Variants in KIAA1217 observed in about 807,000 individuals in gnomAD.
KIAA1217 encodes the protein KIAA1217.
KIAA1217 carries 88 observed loss-of-function variants against 163.9 expected under a neutral mutation model. The ratio of observed to expected loss-of-function variants is 0.54; its 90% CI spans 0.45 to 0.64. KIAA1217 has a LOEUF of 0.64. Among genes scored for constraint, KIAA1217 ranks in the 30% least tolerant of loss-of-function variants. KIAA1217 has a pLI of 0.00. For missense variants in KIAA1217, 2,372 were observed against 2,475.0 expected (o/e 0.96, Z 0.88); for synonymous variants, 903 against 923.1 (o/e 0.98, Z 0.39).
At chr10:24,133,060 G>A (rs1240914569) in intron 2 of KIAA1217, among the ~76,000 whole-genome samples, 1 of 151,140 alleles carries the variant, frequency 6.6e-6, no homozygotes, top group Non-Finnish European at 1.5e-5. Context: ...ATCTAATATG[G>A]CCACTGAGAG....
At chr10:24,336,056 C>T (rs1046310564) in intron 2 of KIAA1217, among the ~76,000 whole-genome samples, 6 of 152,220 alleles carry the variant, frequency 3.9e-5, no homozygotes, top group Admixed American at 1.3e-4. Context: ...GCCTGGCCAA[C>T]ATGGTGAAAC....
chr10:24,484,696 G>C (rs1309946717), intron 6 of KIAA1217, among the ~76,000 whole-genome samples: 1 of 152,056 alleles, frequency 6.6e-6, no homozygotes, highest in Non-Finnish European at 1.5e-5. Flanking sequence ...CAAAATTTGG[G>C]GATTACAAGT....
At chr10:23,981,601 A>G (rs1845767762) in intron 1 of KIAA1217, among the ~76,000 whole-genome samples, 1 of 152,178 alleles carries the variant, frequency 6.6e-6, no homozygotes, top group African/African-American at 2.4e-5. Flanking sequence ...TTACAACATT[A>G]ATTTTTTATG....
intron 2 of KIAA1217, among the ~76,000 whole-genome samples, chr10:24,380,128 C>G (rs1564574277): frequency 6.6e-6 from 1 of 152,060 alleles, no homozygotes; most frequent in Admixed American, 6.6e-5. Context: ...TGGTATGAGA[C>G]TCTGAAGGAC....
In KIAA1217 at chr10:23,780,194, T is replaced by C. The variant is rs142126393; in HGVS notation, c.-321+84960T>C. 7.4e-3 allele frequency among the ~76,000 whole-genome samples: 1,127 copies of C among 152,340 alleles called. 21 individuals carry two copies. Among genetic ancestry groups the C allele is most frequent in the African/African-American group, 0.025 (1,041 of 41,564 alleles). ...TAGACAACATGATGTTTTGATATAC[T>C]TGTACATAGTGAAATGGTGAGTACA... is the stretch of plus-strand genomic sequence containing the variant. On this transcript the variant is annotated intron_variant, in intron 1 of 18. Coordinates refer to the KIAA1217 transcript ENST00000376462.
Position 23,928,266 on chromosome 10 carries a change from C to T in KIAA1217, c.-320-78959C>T, listed in dbSNP as rs542807351. ...GGTCCAGATGGACTGGGGGAGGAAA[C>T]GTTGTTTCTAGCTCTTTCTTTGAAA... On this transcript the variant is annotated intron_variant, in intron 1 of 18. Coordinates refer to the KIAA1217 transcript ENST00000376462. 4.6e-5 allele frequency among the ~76,000 whole-genome samples: 7 copies of T among 152,268 alleles called. No homozygotes were observed. In the East Asian group the frequency reaches 1.2e-3, roughly 25 times the overall value.
intron 1 of KIAA1217, among the ~76,000 whole-genome samples, chr10:23,882,377 T>C (rs1400569768): frequency 6.6e-6 from 1 of 151,876 alleles, no homozygotes; most frequent in Non-Finnish European, 1.5e-5. Flanking sequence ...AGGGACTGCA[T>C]AGACACTTTC....
intron 2 of KIAA1217, among the ~76,000 whole-genome samples, chr10:24,197,440 C>A (rs1057412344): frequency 6.6e-5 from 10 of 152,198 alleles, no homozygotes; most frequent in Admixed American, 6.5e-4. Context: ...CCAACAGAAA[C>A]CTATTAGAGC....
chr10:23,817,294 T>A (rs1310699984), intron 1 of KIAA1217, among the ~76,000 whole-genome samples: 1 of 152,224 alleles, frequency 6.6e-6, no homozygotes, highest in African/African-American at 2.4e-5. Context: ...TGACTTCTTC[T>A]TCAGAAGAAT....
At chr10:23,821,361 AG>A (rs1403323101) in intron 1 of KIAA1217, among the ~76,000 whole-genome samples, 1 of 152,166 alleles carries the variant, frequency 6.6e-6, no homozygotes, top group African/African-American at 2.4e-5. Flanking sequence ...ACAAGAATAA[AG>A]CCCCATGTTC....
chr10:23,913,589 A>T (rs1026923103), intron 1 of KIAA1217, among the ~76,000 whole-genome samples: 5 of 151,996 alleles, frequency 3.3e-5, no homozygotes, highest in African/African-American at 1.2e-4. Flanking sequence ...ATGGAGGGGT[A>T]AGTGAGGGGT....
intron 1 of KIAA1217, among the ~76,000 whole-genome samples, chr10:23,743,147 C>A (rs1236312326): frequency 1.3e-5 from 2 of 151,630 alleles, no homozygotes; most frequent in African/African-American, 2.4e-5. Context: ...CTTTATGGTA[C>A]GTTTGAATGT....
At chr10:24,284,102 G>T (rs1246095934) in intron 2 of KIAA1217, among the ~76,000 whole-genome samples, 1 of 151,996 alleles carries the variant, frequency 6.6e-6, no homozygotes, top group South Asian at 2.1e-4. Context: ...TAGAGACAGG[G>T]TTTCAGCATG....
intron 2 of KIAA1217, among the ~76,000 whole-genome samples, chr10:24,247,248 A>C (rs2073928483): frequency 6.6e-6 from 1 of 151,214 alleles, no homozygotes; most frequent in East Asian, 2.0e-4. Context: ...TTTGTTGTAC[A>C]GATTGTTTCA....
intron 1 of KIAA1217, among the ~76,000 whole-genome samples, chr10:23,940,040 A>G (rs1843690467): frequency 6.6e-6 from 1 of 151,864 alleles, no homozygotes; most frequent in African/African-American, 2.4e-5. Flanking sequence ...CACTAAGTAT[A>G]AGAGGTTTAT....
chr10:24,177,094 C>G (rs2065929369), intron 2 of KIAA1217, among the ~76,000 whole-genome samples: 2 of 151,436 alleles, frequency 1.3e-5, no homozygotes, highest in Admixed American at 1.3e-4. Flanking sequence ...CACACCTCCC[C>G]ACAAGCACAG....
intron 1 of KIAA1217, among the ~76,000 whole-genome samples, chr10:23,701,137 T>C (rs1368824842): frequency 1.3e-5 from 2 of 152,216 alleles, no homozygotes; most frequent in African/African-American, 4.8e-5. Context: ...GACATTATTA[T>C]TATGGTGTCA....
Position 24,545,062 on chromosome 10 carries a change from G to C in KIAA1217, c.5293G>C (p.Gly1765Arg). 1 of 1,614,152 alleles carries C rather than the reference G, an allele frequency of 6.2e-7. No homozygotes were observed. The highest frequency in any genetic ancestry group is 8.5e-7 in the Non-Finnish European group (1 of 1,180,018). Residue 1765 changes from glycine to arginine, a missense_variant, in exon 20 of 21, where the codon GGC (glycine) becomes CGC (arginine). By Grantham distance (125) the Gly-to-Arg change is moderately radical. Around this residue, in one of 3 missense-constraint regions of KIAA1217, gnomAD observed 690 missense variants for 677.5 expected, o/e 1.02. Coordinates refer to ENST00000376454, the MANE Select transcript of KIAA1217 (RefSeq NM_019590.5). The part of the protein sequence containing the change: ...KNRPGTLDKP[G>R]KQSKLQDPRQ... ...CAGACCCGGAACCCTGGACAAACCC[G>C]GCAAGCAGTCCAAACTGCAGGATCC...
At chr10:24,158,463 T>G (rs1057400038) in intron 2 of KIAA1217, 9 of 546,198 alleles carry the variant, frequency 1.6e-5, no homozygotes, top group Non-Finnish European at 2.9e-5. Context: ...ATTGAATGTA[T>G]ATTCATTATC....
Sources: gnomAD v4.1 joint callset for allele counts (sites outside exome capture counted in the v4.1 genomes callset) on GRCh38, gnomAD v4.1.1 for gene constraint, gnomAD v4.1.1 regional missense constraint, MANE v1.5 for transcripts, NCBI Gene and HGNC (gene_info 2026-07-23, HGNC 2026-07-21) for gene names.